Variants in RPS6KA5 observed in about 807,000 individuals in gnomAD.
The protein encoded by RPS6KA5 is ribosomal protein S6 kinase alpha-5.
In RPS6KA5, 27 loss-of-function variants were observed where a neutral mutation model predicts 85.5. The ratio of observed to expected loss-of-function variants is 0.32; its 90% CI spans 0.23 to 0.44. The LOEUF (loss-of-function observed/expected upper bound fraction) is 0.44, where lower values mean the gene tolerates loss of function less well. RPS6KA5 is among the 20% of genes least tolerant of loss of function. RPS6KA5 has a pLI of 1.00. For synonymous variants in RPS6KA5, 334 were observed against 348.2 expected, an observed-to-expected ratio of 0.96 and a Z score of 0.46; for missense variants, 811 against 980.9, an observed-to-expected ratio of 0.83 and a Z score of 2.31.
chr14:90,979,782 C>T (rs1428457004), intron 2 of RPS6KA5, among the ~76,000 whole-genome samples: 1 of 152,224 alleles, frequency 6.6e-6, no homozygotes, highest in Non-Finnish European at 1.5e-5. Context: ...GAAGCTGGTG[C>T]TTTTAGCAAT....
rs1347282093 is a variant in RPS6KA5, at chr14:90,858,761, A to C, written c.*13313T>G. ...TTTGGTGAGCTCTGTGTTCATTTTGATTACTTCTTCAAGGCACTGCAAATT... is the reference window on the plus strand; with the variant it reads ...TTTGGTGAGCTCTGTGTTCATTTTGCTTACTTCTTCAAGGCACTGCAAATT... On this transcript the variant is annotated 3_prime_UTR_variant, in exon 17 of 17. Coordinates refer to ENST00000614987, the MANE Select transcript of RPS6KA5 (RefSeq NM_004755.4). The C allele has an allele frequency of 6.6e-6, 1 of 152,246 alleles. No homozygotes were observed. The highest frequency in any genetic ancestry group is 1.5e-5 in the Non-Finnish European group (1 of 68,048). The allele number at this position is 152,246 out of a possible 1,614,324, so 9.4% of individuals were successfully genotyped here.
chr14:91,034,236 C>T (rs1168053680), intron 1 of RPS6KA5, among the ~76,000 whole-genome samples: 1 of 149,952 alleles, frequency 6.7e-6, no homozygotes, highest in African/African-American at 2.5e-5. Context: ...ACCCGGGAGG[C>T]AGAGGTTGCA....
intron 5 of RPS6KA5, among the ~76,000 whole-genome samples, chr14:90,932,115 A>ATCAT (rs891623440): frequency 2.5e-4 from 38 of 152,170 alleles, no homozygotes; most frequent in South Asian, 6.2e-4. Flanking sequence ...CAATCATTCA[A>ATCAT]TCATTCATTC....
chr14:90,900,130 C>A lies in RPS6KA5; in HGVS notation c.1357G>T (p.Ala453Ser). The A allele has an allele frequency of 6.2e-7, 1 of 1,600,482 alleles. No individual in the cohort carries two copies. The highest frequency in any genetic ancestry group is 8.5e-7 in the Non-Finnish European group (1 of 1,172,874). Residue 453 changes from alanine (A) to serine (S), a missense_variant, in exon 11 of 17, where the codon GCA (alanine) becomes TCA (serine). Ala to Ser is a moderately conservative substitution (Grantham distance 99). This residue lies in a region of RPS6KA5 where 650 missense variants were observed against 793.4 expected (regional missense o/e 0.82). Coordinates refer to ENST00000614987, the MANE Select transcript of RPS6KA5 (RefSeq NM_004755.4). ...TACCTTTTGCTGATTATTTTGACTG[C>A]AAAAGCTTGGTTACTTTTTTTATGC... ...CVHKKSNQAF[A>S]VKIISKRMEA...
At position 90,861,910 on chromosome 14, in the gene RPS6KA5, A is replaced by AAAAG. The variant is rs1555353743; in HGVS notation, c.*10163_*10164insCTTT. 1 of 150,480 alleles carries AAAAG rather than the reference A, an allele frequency of 6.6e-6. No homozygotes were observed. Among genetic ancestry groups the AAAAG allele is most frequent in the African/African-American group, 2.5e-5 (1 of 40,748 alleles). 9.3% of individuals were successfully genotyped at this position (150,480 alleles called of 1,614,324 possible). A position where few individuals can be genotyped will look rare whatever the true frequency, so the allele number is the denominator to read the frequency against. On this transcript the variant is annotated 3_prime_UTR_variant, in exon 17 of 17. Coordinates refer to ENST00000614987, the MANE Select transcript of RPS6KA5 (RefSeq NM_004755.4). ...TCCATCTCAAAAAAAAAAAAAAAAA[A>AAAAG]GGGGAAAACAGATTTAAACTGTCAT...
At chr14:90,993,792 C>T (rs1372116833) in intron 2 of RPS6KA5, among the ~76,000 whole-genome samples, 1 of 152,166 alleles carries the variant, frequency 6.6e-6, no homozygotes, top group South Asian at 2.1e-4. Flanking sequence ...TGCAAATTCA[C>T]GTTTAATCCT....
intron 2 of RPS6KA5, among the ~76,000 whole-genome samples, chr14:90,989,151 T>C (rs1267189072): frequency 6.6e-6 from 1 of 152,220 alleles, no homozygotes; most frequent in Non-Finnish European, 1.5e-5. Flanking sequence ...CATGGTTATC[T>C]AGTAATTGGC....
intron 3 of RPS6KA5, among the ~76,000 whole-genome samples, chr14:90,952,690 A>T (rs1414128995): frequency 2.0e-5 from 3 of 152,260 alleles, no homozygotes; most frequent in Non-Finnish European, 4.4e-5. Flanking sequence ...ATCGCATGCA[A>T]ATGCAGTGCG....
intron 3 of RPS6KA5, among the ~76,000 whole-genome samples, chr14:90,977,226 A>T (rs2039606607): frequency 6.6e-6 from 1 of 152,248 alleles, no homozygotes; most frequent in Admixed American, 6.5e-5. Flanking sequence ...TAGCTCATTT[A>T]ATCCTTACCA....
At chr14:91,002,792 C>T (rs1407879618) in intron 1 of RPS6KA5, among the ~76,000 whole-genome samples, 1 of 152,074 alleles carries the variant, frequency 6.6e-6, no homozygotes, top group Non-Finnish European at 1.5e-5. Flanking sequence ...ATCCATTGAA[C>T]AACAATTGCC....
At chr14:91,043,620 CCTA>C (rs142380246) in intron 1 of RPS6KA5, among the ~76,000 whole-genome samples, 2,019 of 152,258 alleles carry the variant, frequency 0.013, 43 homozygotes, top group African/African-American at 0.046. Context: ...GATGAAAGCA[CCTA>C]CTATCTAGCA....
Position 90,911,724 on chromosome 14 carries a change from C to A in RPS6KA5, c.807-5425G>T, listed in dbSNP as rs150820322. ...AAATTTCAGCAAAAACTGAAAAATA[C>A]AAAATTATATTTCTAGTATGAGTAC... On this transcript the variant is annotated intron_variant, in intron 7 of 16. Coordinates refer to ENST00000614987, the MANE Select transcript of RPS6KA5 (RefSeq NM_004755.4). 1.6e-3 allele frequency among the ~76,000 whole-genome samples: 241 copies of A among 151,942 alleles called. 1 individual carries two copies. The highest frequency in any genetic ancestry group is 5.5e-3 in the African/African-American group (228 of 41,354).
intron 5 of RPS6KA5, among the ~76,000 whole-genome samples, chr14:90,925,110 A>C (rs2036588676): frequency 6.6e-6 from 1 of 152,178 alleles, no homozygotes; most frequent in Non-Finnish European, 1.5e-5. Context: ...ACAAGAAAGA[A>C]AGGAGAATTC....
chr14:90,929,529 A>G (rs1364540832), intron 5 of RPS6KA5, among the ~76,000 whole-genome samples: 1 of 152,194 alleles, frequency 6.6e-6, no homozygotes, highest in Non-Finnish European at 1.5e-5. Context: ...CAAAATGTAT[A>G]AATAGAAATA....
At chr14:90,894,652 T>G in intron 12 of RPS6KA5, 69 bp from the exon 13 acceptor site, 12 of 1,512,334 alleles carry the variant, frequency 7.9e-6, no homozygotes, top group Non-Finnish European at 1.1e-5. Flanking sequence ...TATAAAACAT[T>G]TATTGACTAT....
At chr14:90,895,712 C>G (rs532783369) in intron 12 of RPS6KA5, among the ~76,000 whole-genome samples, 1 of 152,078 alleles carries the variant, frequency 6.6e-6, no homozygotes, top group Non-Finnish European at 1.5e-5. Flanking sequence ...ATAGTGAGAC[C>G]TCATCTCTAC....
chr14:91,001,358 G>T, intron 1 of RPS6KA5, among the ~76,000 whole-genome samples, 199 bp from the exon 2 acceptor site: 1 of 151,702 alleles, frequency 6.6e-6, no homozygotes, highest in East Asian at 1.9e-4. Context: ...AACTTTTTTT[G>T]GAATTTAGGA....
At position 90,995,653 on chromosome 14, in the gene RPS6KA5, AT is replaced by A. The variant is rs199809602; in HGVS notation, c.175+5434del. On this transcript the variant is annotated intron_variant, in intron 2 of 16. Coordinates refer to ENST00000614987, the MANE Select transcript of RPS6KA5 (RefSeq NM_004755.4). ...TTTGCTTCTCTAAATTCCTGCTCCC[AT>A]TTTATTTTTTCAAGCTTAAGAATTT... 2.0e-5 allele frequency among the ~76,000 whole-genome samples: 3 copies of A among 151,980 alleles called. No homozygotes were observed. In the East Asian group the frequency reaches 5.8e-4, roughly 29 times the overall value.
rs943701 is a variant in RPS6KA5, at chr14:90,849,610, A to G, written c.*22464T>C. The G allele has an allele frequency of 0.29, 44,816 of 152,156 alleles. 6,801 individuals carry two copies. Among genetic ancestry groups the G allele is most frequent in the African/African-American group, 0.35 (14,390 of 41,410 alleles). The allele number at this position is 152,156 out of a possible 1,614,324, so 9.4% of individuals were successfully genotyped here. A position where few individuals can be genotyped will look rare whatever the true frequency, so the allele number is the denominator to read the frequency against. ...ACAGCTTCCCTTAGGTGGGAGAAAG[A>G]AGGAATACCATGGAGGTGTGTGTGG... On this transcript the variant is annotated 3_prime_UTR_variant, in exon 17 of 17. Transcript: ENST00000614987.
Sources: gnomAD v4.1 joint callset for allele counts (sites outside exome capture counted in the v4.1 genomes callset) on GRCh38, gnomAD v4.1.1 for gene constraint, gnomAD v4.1.1 regional missense constraint, MANE v1.5 for transcripts, NCBI Gene and HGNC (gene_info 2026-07-23, HGNC 2026-07-21) for gene names.